PHF14: variants seen among roughly 807,000 people sequenced by gnomAD.
PHF14 encodes the protein PHD finger protein 14.
In PHF14, 55 loss-of-function variants were observed where a neutral mutation model predicts 117.9. The observed-to-expected ratio is 0.47, with a 90% confidence interval of 0.38 to 0.58. PHF14 has a LOEUF of 0.58. Ranked by LOEUF, PHF14 falls within the 20% of genes least tolerant of loss-of-function variation. The pLI is 0.00. For synonymous variants in PHF14, 409 were observed against 368.6 expected (o/e 1.11, Z -1.26); for missense variants, 978 against 1,122.2 (o/e 0.87, Z 1.84).
chr7:10,982,903 G>T lies in PHF14; in HGVS notation c.644G>T (p.Arg215Leu). ...DYDSEDDNDW[R>L]PTVVKRKGRS... ...GACAGTGAGGATGACAATGATTGGC[G>T]ACCTACTGTAGTAAAGAGAAAAGGG... The change falls in exon 3 of 18, where the codon CGA becomes CTA. Residue 215 changes from arginine to leucine, a missense_variant. Around this residue, in one of 7 missense-constraint regions of PHF14, gnomAD observed 414 missense variants for 376.4 expected, o/e 1.10. Transcript: ENST00000634607. 1 of 1,612,644 alleles carries T rather than the reference G, an allele frequency of 6.2e-7. No individual in the cohort carries two copies.
At chr7:11,020,701 A>G (rs1269695202) in intron 5 of PHF14, among the ~76,000 whole-genome samples, 2 of 151,588 alleles carry the variant, frequency 1.3e-5, no homozygotes, top group African/African-American at 4.9e-5. Context: ...TTTTTTCTTT[A>G]AAATTCTAGA....
intron 16 of PHF14, 178 bp downstream of exon 16, chr7:11,062,263 C>A: frequency 2.2e-6 from 1 of 446,844 alleles, no homozygotes; most frequent in Non-Finnish European, 3.9e-6. Flanking sequence ...CATGGTTATA[C>A]TCTGGATTTA....
At chr7:11,061,869 A>G (rs1393212618) in intron 15 of PHF14, 28 bp downstream of exon 15, 2 of 1,520,404 alleles carry the variant, frequency 1.3e-6, no homozygotes, top group Non-Finnish European at 1.8e-6. Flanking sequence ...ACTTTTACAC[A>G]GTCTTAACTT....
At chr7:11,073,646 G>C (rs1189833170) in intron 16 of PHF14, among the ~76,000 whole-genome samples, 6 of 152,192 alleles carry the variant, frequency 3.9e-5, no homozygotes, top group African/African-American at 1.4e-4. Context: ...AGCTCCACCA[G>C]GTAGTTCCCT....
rs564351206 is a variant in PHF14, at chr7:11,053,487, A to G, written c.2481+1707A>G. ...TTGTTAAATAAGCCGGCTAGTTTCT[A>G]TTTCTAAAATATTTTCTATAATTGT... On this transcript the variant is annotated intron_variant, in intron 14 of 17. Coordinates refer to ENST00000634607, the MANE Select transcript of PHF14 (RefSeq NM_001007157.2). Among the ~76,000 whole-genome samples, 9 of 152,130 alleles carry G rather than the reference A, an allele frequency of 5.9e-5. No homozygotes were observed. In the South Asian group the frequency reaches 1.9e-3, roughly 32 times the overall value.
rs11323530 is a variant in PHF14, at chr7:11,047,018, C to CT, written c.2312+4215dup. ...ATTGCATTTAAAGATTCATAAAATC[C>CT]TTTTTTTTTTTAACTTACACGAATA... On this transcript the variant is annotated intron_variant, in intron 13 of 17. Coordinates refer to ENST00000634607, the MANE Select transcript of PHF14 (RefSeq NM_001007157.2). 8.2e-4 allele frequency among the ~76,000 whole-genome samples: 118 copies of CT among 144,738 alleles called. 1 individual carries two copies. The highest frequency in any genetic ancestry group is 1.2e-3 in the Admixed American group (17 of 14,474). The allele number at this position is 144,738 out of a possible 152,430, so 95.0% of individuals were successfully genotyped here. A position where few individuals can be genotyped will look rare whatever the true frequency, so the allele number is the denominator to read the frequency against.
intron 13 of PHF14, among the ~76,000 whole-genome samples, chr7:11,048,555 G>C (rs1365890814): frequency 6.6e-6 from 1 of 152,186 alleles, no homozygotes; most frequent in African/African-American, 2.4e-5. Flanking sequence ...CTTGGCAATA[G>C]TGCAAGACTC....
At chr7:11,059,825 G>A (rs763407899) in intron 14 of PHF14, among the ~76,000 whole-genome samples, 13 of 152,086 alleles carry the variant, frequency 8.5e-5, no homozygotes, top group Non-Finnish European at 2.9e-5. Context: ...AGATAATAGA[G>A]TACCAAATTA....
intron 16 of PHF14, among the ~76,000 whole-genome samples, chr7:11,074,132 A>G (rs1372473128): frequency 6.6e-6 from 1 of 151,870 alleles, no homozygotes; most frequent in African/African-American, 2.4e-5. Context: ...TTTTTTAGTC[A>G]TGCTAATCAC....
At chr7:11,020,338 C>T (rs951850740) in intron 5 of PHF14, among the ~76,000 whole-genome samples, 3 of 152,128 alleles carry the variant, frequency 2.0e-5, no homozygotes, top group African/African-American at 7.2e-5. Flanking sequence ...AGTCCTCCCA[C>T]CTCAGCCTTC....
intron 16 of PHF14, among the ~76,000 whole-genome samples, chr7:11,086,771 GT>G (rs1786425017): frequency 6.6e-6 from 1 of 152,052 alleles, no homozygotes; most frequent in Non-Finnish European, 1.5e-5. Context: ...TGGAATGGTA[GT>G]TTTTGTCATC....
chr7:11,125,813 G>A (rs536163167), intron 17 of PHF14, among the ~76,000 whole-genome samples: 1 of 151,870 alleles, frequency 6.6e-6, no homozygotes, highest in Non-Finnish European at 1.5e-5. Context: ...TTCTCTGAAG[G>A]TTTCTTAAAG....
At chr7:11,104,814 C>T (rs1443608808) in intron 16 of PHF14, 5 of 748,492 alleles carry the variant, frequency 6.7e-6, no homozygotes, top group South Asian at 6.1e-5. Context: ...CTAACAAGTT[C>T]CCAGCTGATG....
At chr7:11,042,839 A>G (rs968204617) in intron 13 of PHF14, 25 bp downstream of exon 13, 7 of 1,499,944 alleles carry the variant, frequency 4.7e-6, no homozygotes, top group Admixed American at 4.0e-5. Context: ...GGAGATTTAG[A>G]TGTTTGAATT....
At chr7:11,090,415 A>C (rs1392501614) in intron 16 of PHF14, among the ~76,000 whole-genome samples, 1 of 152,220 alleles carries the variant, frequency 6.6e-6, no homozygotes, top group Non-Finnish European at 1.5e-5. Context: ...CTTTCCTTAT[A>C]AGTGACTGAA....
intron 17 of PHF14, among the ~76,000 whole-genome samples, chr7:11,112,813 A>T (rs1405742725): frequency 3.3e-5 from 5 of 152,070 alleles, no homozygotes; most frequent in Non-Finnish European, 7.4e-5. Context: ...GATTATTAAG[A>T]TATAATATTT....
intron 17 of PHF14, among the ~76,000 whole-genome samples, chr7:11,166,283 GTCT>G (rs1435583407): frequency 2.0e-5 from 3 of 151,626 alleles, no homozygotes; most frequent in African/African-American, 7.3e-5. Context: ...TGTAGCCAGG[GTCT>G]TCTTTCATTG....
chr7:11,110,094 CT>C (rs1213727472), intron 16 of PHF14: 1 of 151,808 alleles, frequency 6.6e-6, no homozygotes, highest in Non-Finnish European at 1.5e-5. Flanking sequence ...GAAATTTCTA[CT>C]AAAAATGTAG....
intron 16 of PHF14, among the ~76,000 whole-genome samples, chr7:11,072,214 T>C (rs1335635393): frequency 6.6e-6 from 1 of 152,120 alleles, no homozygotes; most frequent in Admixed American, 6.6e-5. Context: ...AGGCATCTTA[T>C]GTGGCAGGGG....
Sources: allele counts gnomAD v4.1 joint callset (sites outside exome capture counted in the v4.1 genomes callset), GRCh38; gene constraint gnomAD v4.1.1; regional missense constraint gnomAD v4.1.1; transcripts MANE v1.5; gene names NCBI Gene and HGNC (gene_info 2026-07-23, HGNC 2026-07-21).